The following DYNC1H1 variants were observed in gnomAD, a reference collection of about 807,000 sequenced individuals.
DYNC1H1 encodes dynein cytoplasmic 1 heavy chain 1, also known as cytoplasmic dynein 1 heavy chain 1.
DYNC1H1 carries 51 observed loss-of-function variants against 527.1 expected under a neutral mutation model. The observed-to-expected ratio is 0.10, with a 90% confidence interval of 0.08 to 0.12. The LOEUF (loss-of-function observed/expected upper bound fraction) is 0.12, where lower values mean the gene tolerates loss of function less well. Ranked by LOEUF, DYNC1H1 falls within the 10% of genes least tolerant of loss-of-function variation. The pLI is 1.00. For missense variants in DYNC1H1, 2,771 were observed against 5,971.8 expected (o/e 0.46, Z 17.66); for synonymous variants, 2,189 against 2,278.8 (o/e 0.96, Z 1.12).
At chr14:102,045,576 A>T (rs1180177839) in intron 72 of DYNC1H1, among the ~76,000 whole-genome samples, 2 of 151,978 alleles carry the variant, frequency 1.3e-5, no homozygotes, top group Non-Finnish European at 2.9e-5. Flanking sequence ...GCGCCATTGC[A>T]CTCCAGCTTG....
rs1555412486 is a variant in DYNC1H1, at chr14:102,047,620, C to CGTATGTGTGT, written c.13007-195_13007-194insATGTGTGTGT. 3.9e-4 allele frequency: 126 copies of CGTATGTGTGT among 324,240 alleles called. 1 individual carries two copies. The highest frequency in any genetic ancestry group is 5.7e-4 in the Admixed American group (12 of 21,000). The allele number at this position is 324,240 out of a possible 1,614,324, so 20.1% of individuals were successfully genotyped here. A position where few individuals can be genotyped will look rare whatever the true frequency, so the allele number is the denominator to read the frequency against. On this transcript the variant is annotated intron_variant, in intron 72 of 77. Coordinates refer to ENST00000360184, the MANE Select transcript of DYNC1H1 (RefSeq NM_001376.5). Reference sequence around the variant, plus strand: ...ATATACACATATATGTATATATACACGTGTGTGTGTGTGTGTGTGTGTATA... The same window carrying CGTATGTGTGT: ...ATATACACATATATGTATATATACACGTATGTGTGTGTGTGTGTGTGTGTGTGTGTGTATA...
At chr14:101,978,466 C>G (rs545905397) in intron 2 of DYNC1H1, among the ~76,000 whole-genome samples, 7 of 152,218 alleles carry the variant, frequency 4.6e-5, no homozygotes, top group South Asian at 4.1e-4. Context: ...AACCACCATG[C>G]CTGGCGTATG....
intron 69 of DYNC1H1, chr14:102,043,020 G>C (rs1372018386): frequency 4.3e-6 from 2 of 463,382 alleles, no homozygotes; most frequent in East Asian, 9.0e-5. Flanking sequence ...GGTGGCTCAC[G>C]CCTGTAATCC....
rs1045985291 is a variant in DYNC1H1, at chr14:102,038,917, G to A, written c.11206+69G>A. The A allele has an allele frequency of 6.2e-7, 1 of 1,612,822 alleles. No individual in the cohort carries two copies. Among genetic ancestry groups the A allele is most frequent in the African/African-American group, 1.3e-5 (1 of 74,718 alleles). On this transcript the variant is annotated intron_variant, in intron 59 of 77. Coordinates refer to ENST00000360184, the MANE Select transcript of DYNC1H1 (RefSeq NM_001376.5). The surrounding 1 kb of genome is among the most constrained non-coding windows in gnomAD (Gnocchi z 7.2). ...AGGGGCTGAACTTTTAAGTGACTAGGATGTTCCACGTTTGTGGCAAACACT... is the reference window on the plus strand; with the variant it reads ...AGGGGCTGAACTTTTAAGTGACTAGAATGTTCCACGTTTGTGGCAAACACT...
Position 102,041,885 on chromosome 14 carries a change from C to T in DYNC1H1, c.12103-128C>T. ...GCTGCAGATTCTCAACTCCTGGCTG[C>T]ATGGTGCCCACACCTCTGGGCCCAG... On this transcript the variant is annotated intron_variant, in intron 65 of 77. Coordinates refer to ENST00000360184, the MANE Select transcript of DYNC1H1 (RefSeq NM_001376.5). The surrounding 1 kb of genome is among the most constrained non-coding windows in gnomAD (Gnocchi z 4.5). The T allele has an allele frequency of 2.0e-6, 3 of 1,493,244 alleles. No homozygotes were observed. The highest frequency in any genetic ancestry group is 2.8e-6 in the Non-Finnish European group (3 of 1,087,774). The allele number at this position is 1,493,244 out of a possible 1,614,324, so 92.5% of individuals were successfully genotyped here. A position where few individuals can be genotyped will look rare whatever the true frequency, so the allele number is the denominator to read the frequency against.
chr14:102,047,620 C>CGTAT lies in DYNC1H1; in HGVS notation c.13007-195_13007-194insATGT, dbSNP rs1555412486. The stretch of plus-strand genomic sequence containing the variant: ...ATATACACATATATGTATATATACA[C>CGTAT]GTGTGTGTGTGTGTGTGTGTGTATA... On this transcript the variant is annotated intron_variant, in intron 72 of 77. Coordinates refer to ENST00000360184, the MANE Select transcript of DYNC1H1 (RefSeq NM_001376.5). 5,718 of 323,904 alleles carry CGTAT rather than the reference C, an allele frequency of 0.018. 112 individuals are homozygous for CGTAT. Among genetic ancestry groups the CGTAT allele is most frequent in the African/African-American group, 0.076 (1,968 of 25,758 alleles). 20.1% of individuals were successfully genotyped at this position (323,904 alleles called of 1,614,324 possible).
Position 102,011,242 on chromosome 14 carries a change from C to T in DYNC1H1, c.6618+290C>T. The T allele has an allele frequency of 2.3e-6, 1 of 444,118 alleles. No individual in the cohort carries two copies. The highest frequency in any genetic ancestry group is 2.1e-5 in the South Asian group (1 of 47,486). 27.5% of individuals were successfully genotyped at this position (444,118 alleles called of 1,614,324 possible). The stretch of plus-strand genomic sequence containing the variant: ...TTTATACTGATAAAAATTCTGCTTA[C>T]CAGACTTTCCAGTGCCAGAGATGAA... On this transcript the variant is annotated intron_variant, in intron 32 of 77. Coordinates refer to ENST00000360184, the MANE Select transcript of DYNC1H1 (RefSeq NM_001376.5). This position sits in a 1 kb window ranked among gnomAD's most constrained non-coding sequence, Gnocchi z 5.3.
At chr14:102,028,707 T>G (rs2048478053) in intron 48 of DYNC1H1, 1 of 180,100 alleles carries the variant, frequency 5.6e-6, no homozygotes, top group African/African-American at 2.4e-5. Context: ...CTCCTTTGCC[T>G]TTGTCTCCCA....
rs1310742312 is a variant in DYNC1H1, at chr14:102,039,628, CTT to C, written c.11596-9_11596-8del. 1.9e-6 allele frequency: 3 copies of C among 1,614,006 alleles called. No individual in the cohort carries two copies. The highest frequency in any genetic ancestry group is 1.7e-6 in the Non-Finnish European group (2 of 1,180,028). ...TTATGGAACAACATCGTCTCCTGCT[CTT>C]GTCCCAGGTGGCGTTTAACCGAGTG... is the stretch of plus-strand genomic sequence containing the variant. On this transcript the variant is annotated splice_region_variant and splice_polypyrimidine_tract_variant and intron_variant, in intron 61 of 77. Transcript: ENST00000360184. This position sits in a 1 kb window ranked among gnomAD's most constrained non-coding sequence, Gnocchi z 7.0.
chr14:102,048,955 G>C, intron 74 of DYNC1H1: 1 of 481,900 alleles, frequency 2.1e-6, no homozygotes, highest in African/African-American at 2.0e-5. Context: ...TGGGGAATGT[G>C]GTGGTCCAGG....
At chr14:101,993,233 G>A (rs1052558446) in intron 11 of DYNC1H1, among the ~76,000 whole-genome samples, 2 of 151,988 alleles carry the variant, frequency 1.3e-5, no homozygotes, top group African/African-American at 2.4e-5. Flanking sequence ...ATGCTGAGCT[G>A]TTTCACTGGC....
chr14:102,041,625 C>G lies in DYNC1H1; in HGVS notation c.11993C>G (p.Pro3998Arg). The G allele has an allele frequency of 6.2e-7, 1 of 1,614,244 alleles. No homozygotes were observed. Among genetic ancestry groups the G allele is most frequent in the Non-Finnish European group, 8.5e-7 (1 of 1,180,050 alleles). The part of the protein sequence containing the change: ...HRLLLIQAFR[P>R]DRLLAMAHMF... ...CTGCTCCTGATCCAGGCTTTCCGGCCCGATCGCCTGTTGGCCATGGCCCAC... is the reference window on the plus strand; with the variant it reads ...CTGCTCCTGATCCAGGCTTTCCGGCGCGATCGCCTGTTGGCCATGGCCCAC... The change falls in exon 65 of 78, where the codon CCC (proline) becomes CGC (arginine). Residue 3998 changes from proline (P) to arginine (R), a missense_variant. By Grantham distance (103) the Pro-to-Arg change is moderately radical. Coordinates refer to ENST00000360184, the MANE Select transcript of DYNC1H1 (RefSeq NM_001376.5). The surrounding 1 kb of genome is among the most constrained non-coding windows in gnomAD (Gnocchi z 4.5).
chr14:101,965,009 G>T lies in DYNC1H1; in HGVS notation c.256+62G>T. 1 of 1,510,210 alleles carries T rather than the reference G, an allele frequency of 6.6e-7. No individual in the cohort carries two copies. The highest frequency in any genetic ancestry group is 2.0e-5 in the Admixed American group (1 of 48,930). 93.6% of individuals were successfully genotyped at this position (1,510,210 alleles called of 1,614,324 possible). A position where few individuals can be genotyped will look rare whatever the true frequency, so the allele number is the denominator to read the frequency against. On this transcript the variant is annotated intron_variant, in intron 1 of 77. Transcript: ENST00000360184. This position sits in a 1 kb window ranked among gnomAD's most constrained non-coding sequence, Gnocchi z 4.1. ...GCCTCGCGGAATGCAGGGCCTGCCA[G>T]GTCCTCCGGGGTCGCAGATGTCCCC...
In DYNC1H1 at chr14:102,001,802, C is replaced by T. The variant is rs1039376354; in HGVS notation, c.4542+121C>T. 7.4e-7 allele frequency: 1 copy of T among 1,355,572 alleles called. No homozygotes were observed. The allele number at this position is 1,355,572 out of a possible 1,614,324, so 84.0% of individuals were successfully genotyped here. ...TATTGTATTTTTTGAGACAGGGTCTCACTCTGTCTCCCACGCTGGAGTGCA... is the reference window on the plus strand; with the variant it reads ...TATTGTATTTTTTGAGACAGGGTCTTACTCTGTCTCCCACGCTGGAGTGCA... On this transcript the variant is annotated intron_variant, in intron 21 of 77. Transcript: ENST00000360184. The surrounding 1 kb of genome is among the most constrained non-coding windows in gnomAD (Gnocchi z 5.0).
chr14:101,965,075 G>A lies in DYNC1H1; in HGVS notation c.256+128G>A. The A allele has an allele frequency of 9.8e-7, 1 of 1,025,066 alleles. No individual in the cohort carries two copies. Among genetic ancestry groups the A allele is most frequent in the African/African-American group, 1.7e-5 (1 of 58,650 alleles). The allele number at this position is 1,025,066 out of a possible 1,614,324, so 63.5% of individuals were successfully genotyped here. A position where few individuals can be genotyped will look rare whatever the true frequency, so the allele number is the denominator to read the frequency against. ...CGGCAGCTGCAGATGACCCCTGGAT[G>A]GGCAGAGCCCGGCGGCCGCAGACGT... On this transcript the variant is annotated intron_variant, in intron 1 of 77. Coordinates refer to ENST00000360184, the MANE Select transcript of DYNC1H1 (RefSeq NM_001376.5). This position sits in a 1 kb window ranked among gnomAD's most constrained non-coding sequence, Gnocchi z 4.1.
chr14:102,011,615 A>G lies in DYNC1H1; in HGVS notation c.6619-260A>G, dbSNP rs2048259274. ...TTTCAGTACTTGCCTTTAATAATCC[A>G]TAGATAGGCGCTTGTAAAGCCAGCT... On this transcript the variant is annotated intron_variant, in intron 32 of 77. Coordinates refer to ENST00000360184, the MANE Select transcript of DYNC1H1 (RefSeq NM_001376.5). This position sits in a 1 kb window ranked among gnomAD's most constrained non-coding sequence, Gnocchi z 5.3. The G allele has an allele frequency of 2.0e-6, 1 of 490,408 alleles. No homozygotes were observed. Among genetic ancestry groups the G allele is most frequent in the Non-Finnish European group, 3.7e-6 (1 of 268,618 alleles). The allele number at this position is 490,408 out of a possible 1,614,324, so 30.4% of individuals were successfully genotyped here. A position where few individuals can be genotyped will look rare whatever the true frequency, so the allele number is the denominator to read the frequency against.
Position 102,036,361 on chromosome 14 carries a change from C to T in DYNC1H1, c.10755-128C>T, listed in dbSNP as rs1182200680. ...TTATTGGTAAACCTGAAAACGTCTCCGGAAACCACTCTCGGGTGGTGGTAA... is the reference window on the plus strand; with the variant it reads ...TTATTGGTAAACCTGAAAACGTCTCTGGAAACCACTCTCGGGTGGTGGTAA... On this transcript the variant is annotated intron_variant, in intron 56 of 77. Coordinates refer to ENST00000360184, the MANE Select transcript of DYNC1H1 (RefSeq NM_001376.5). The surrounding 1 kb of genome is among the most constrained non-coding windows in gnomAD (Gnocchi z 5.6). 1.8e-5 allele frequency: 23 copies of T among 1,280,520 alleles called. No homozygotes were observed. The highest frequency in any genetic ancestry group is 3.5e-5 in the Admixed American group (2 of 57,250). The allele number at this position is 1,280,520 out of a possible 1,614,324, so 79.3% of individuals were successfully genotyped here. A position where few individuals can be genotyped will look rare whatever the true frequency, so the allele number is the denominator to read the frequency against.
intron 1 of DYNC1H1, among the ~76,000 whole-genome samples, chr14:101,968,553 C>A (rs967762281): frequency 2.0e-5 from 3 of 151,764 alleles, no homozygotes; most frequent in Non-Finnish European, 4.4e-5. Context: ...GTTTAACACT[C>A]CAGTGTTTGA....
chr14:102,005,070 T>C lies in DYNC1H1; in HGVS notation c.5267T>C (p.Ile1756Thr). 6.2e-7 allele frequency: 1 copy of C among 1,614,222 alleles called. No homozygotes were observed. Among genetic ancestry groups the C allele is most frequent in the Non-Finnish European group, 8.5e-7 (1 of 1,180,042 alleles). ...CAGCTTGTGGTTTTGTCAGCCCAGA[T>C]AGCCTGGTCTGAGAACGTGGAGACC... ...QAQLVVLSAQ[I>T]AWSENVETAL... Residue 1756 changes from isoleucine (I) to threonine (T), a missense_variant, in exon 26 of 78, where the codon ATA (isoleucine) becomes ACA (threonine). By Grantham distance (89) the Ile-to-Thr change is moderately conservative (BLOSUM62 -1). Coordinates refer to ENST00000360184, the MANE Select transcript of DYNC1H1 (RefSeq NM_001376.5). The surrounding 1 kb of genome is among the most constrained non-coding windows in gnomAD (Gnocchi z 4.0).
Sources: allele counts gnomAD v4.1 joint callset (sites outside exome capture counted in the v4.1 genomes callset), GRCh38; gene constraint gnomAD v4.1.1; non-coding constraint Gnocchi (gnomAD v3.1); transcripts MANE v1.5; gene names NCBI Gene and HGNC (gene_info 2026-07-23, HGNC 2026-07-21).